The following RBFOX1 variants were observed in gnomAD, a reference collection of about 807,000 sequenced individuals.
RBFOX1 encodes RNA binding protein fox-1 homolog 1.
In RBFOX1, 8 loss-of-function variants were observed where a neutral mutation model predicts 57.7. The ratio of observed to expected loss-of-function variants is 0.14; its 90% CI spans 0.08 to 0.25. RBFOX1 has a LOEUF of 0.25. Ranked by LOEUF, RBFOX1 falls within the 10% of genes least tolerant of loss-of-function variation. The pLI is 1.00. For synonymous variants in RBFOX1, 326 were observed against 222.4 expected, an observed-to-expected ratio of 1.47 and a Z score of -4.15; for missense variants, 611 against 548.5, an observed-to-expected ratio of 1.11 and a Z score of -1.14.
At chr16:6,237,431 G>C (rs903961143) in intron 1 of RBFOX1, among the ~76,000 whole-genome samples, 1 of 152,120 alleles carries the variant, frequency 6.6e-6, no homozygotes, top group Admixed American at 6.6e-5. Flanking sequence ...ACGTGCCTCA[G>C]GTTACCTAAC....
intron 2 of RBFOX1, among the ~76,000 whole-genome samples, chr16:6,453,254 C>A (rs1240142770): frequency 6.6e-6 from 1 of 152,070 alleles, no homozygotes; most frequent in Non-Finnish European, 1.5e-5. Flanking sequence ...TAATGCCATC[C>A]CTCCTCTAGC....
chr16:7,602,532 G>T (rs1462703513), intron 9 of RBFOX1, among the ~76,000 whole-genome samples: 2 of 152,180 alleles, frequency 1.3e-5, no homozygotes, highest in Admixed American at 6.5e-5. Context: ...AAATTAAAAA[G>T]GGGATCATTT....
intron 3 of RBFOX1, among the ~76,000 whole-genome samples, chr16:5,772,948 G>C (rs2151682139): frequency 6.6e-6 from 1 of 152,304 alleles, no homozygotes; most frequent in Non-Finnish European, 1.5e-5. Context: ...GGAGCTGACT[G>C]TGCAAAGGTC....
chr16:6,512,298 A>C (rs1158480699), intron 2 of RBFOX1, among the ~76,000 whole-genome samples: 1 of 148,844 alleles, frequency 6.7e-6, no homozygotes, highest in African/African-American at 2.5e-5. Context: ...AAAAAAAAAA[A>C]AGGTAAGAGA....
At chr16:6,126,138 T>G (rs2096587925) in intron 1 of RBFOX1, among the ~76,000 whole-genome samples, 1 of 152,172 alleles carries the variant, frequency 6.6e-6, no homozygotes, top group African/African-American at 2.4e-5. Flanking sequence ...AGCCAGGAAA[T>G]CAAATCCGAG....
intron 4 of RBFOX1, among the ~76,000 whole-genome samples, chr16:7,109,180 A>C (rs983873987): frequency 2.6e-5 from 4 of 152,198 alleles, no homozygotes; most frequent in African/African-American, 9.6e-5. Context: ...CTAATCTTAA[A>C]AGTGGAAAAA....
intron 2 of RBFOX1, among the ~76,000 whole-genome samples, chr16:6,541,799 T>A (rs937913145): frequency 2.0e-5 from 3 of 152,126 alleles, no homozygotes; most frequent in African/African-American, 7.2e-5. Context: ...ACCCTAGACT[T>A]AGTGGAAGAG....
At chr16:6,871,820 A>C (rs1567652891) in intron 3 of RBFOX1, among the ~76,000 whole-genome samples, 1 of 152,000 alleles carries the variant, frequency 6.6e-6, no homozygotes, top group Non-Finnish European at 1.5e-5. Flanking sequence ...AGTGGCCCTC[A>C]AAGTGCAGTT....
intron 3 of RBFOX1, among the ~76,000 whole-genome samples, chr16:5,625,002 G>A (rs1359062064): frequency 1.3e-5 from 2 of 152,194 alleles, no homozygotes; most frequent in Non-Finnish European, 2.9e-5. Context: ...GGGCCAGAGA[G>A]CCTGGCACGA....
chr16:5,286,876 AG>A (rs2063407995), intron 1 of RBFOX1, among the ~76,000 whole-genome samples: 1 of 152,254 alleles, frequency 6.6e-6, no homozygotes, highest in Non-Finnish European at 1.5e-5. Flanking sequence ...AAACAGTCAG[AG>A]GGCCAGATTT....
intron 4 of RBFOX1, among the ~76,000 whole-genome samples, chr16:7,448,927 G>GTTTTTTTTTT (rs71147700): frequency 0.011 from 912 of 82,902 alleles, 89 homozygotes; most frequent in Middle Eastern, 0.026. Context: ...TCTTTCCCCT[G>GTTTTTTTTTT]TTTTTTTTTT....
intron 3 of RBFOX1, among the ~76,000 whole-genome samples, chr16:6,692,191 A>G (rs2060299866): frequency 6.6e-6 from 1 of 152,194 alleles, no homozygotes; most frequent in Non-Finnish European, 1.5e-5. Flanking sequence ...TATAAAGATT[A>G]CTTTGTTACA....
At chr16:7,112,376 G>GT (rs1329253278) in intron 4 of RBFOX1, among the ~76,000 whole-genome samples, 143 of 72,694 alleles carry the variant, frequency 2.0e-3, no homozygotes, top group African/African-American at 7.6e-3. Flanking sequence ...CTAATTTTTT[G>GT]TATTTTTTTT....
chr16:7,032,361 C>T lies in RBFOX1; in HGVS notation c.-15-19696C>T, dbSNP rs553138359. ...TTGGGAGGCTGAGGCACAAGAATTG[C>T]TTGAACCCAGGAGGTGGAGGTTGCA... is the stretch of plus-strand genomic sequence containing the variant. On this transcript the variant is annotated intron_variant, in intron 3 of 15. Transcript: ENST00000550418. Among the ~76,000 whole-genome samples, 3 of 152,142 alleles carry T rather than the reference C, an allele frequency of 2.0e-5. No individual in the cohort carries two copies. The South Asian group carries it at 6.2e-4, about 32-fold the overall frequency.
intron 5 of RBFOX1, among the ~76,000 whole-genome samples, chr16:7,545,869 G>C (rs2084323710): frequency 6.6e-6 from 1 of 152,106 alleles, no homozygotes; most frequent in South Asian, 2.1e-4. Context: ...CATCGGGGGA[G>C]CAGAACCAGG....
chr16:7,240,382 C>T lies in RBFOX1; in HGVS notation c.27+188284C>T, dbSNP rs369748175. Reference sequence around the variant, plus strand: ...TCTTCACTATGTTATACTTGTATATCACCATCTGTGATCATCTGAAGCCCT... The same window carrying T: ...TCTTCACTATGTTATACTTGTATATTACCATCTGTGATCATCTGAAGCCCT... On this transcript the variant is annotated intron_variant, in intron 4 of 15. Coordinates refer to ENST00000550418, the MANE Select transcript of RBFOX1 (RefSeq NM_018723.4). 2.6e-5 allele frequency among the ~76,000 whole-genome samples: 4 copies of T among 152,254 alleles called. No homozygotes were observed. The East Asian group carries it at 5.8e-4, about 22-fold the overall frequency.
At chr16:7,206,768 C>G (rs1355102383) in intron 4 of RBFOX1, among the ~76,000 whole-genome samples, 4 of 151,980 alleles carry the variant, frequency 2.6e-5, no homozygotes, top group African/African-American at 9.7e-5. Flanking sequence ...ATTCCCAGTC[C>G]TGGCCAAGGA....
rs1344931886 is a variant in RBFOX1, at chr16:6,019,363, C to G, written c.-756C>G. Reference sequence around the variant, plus strand: ...CCTCCTCCAGCCAGAGTCGGTGGGACTGGCTGCGCTGCCCTGAAGTGGTTC... The same window carrying G: ...CCTCCTCCAGCCAGAGTCGGTGGGAGTGGCTGCGCTGCCCTGAAGTGGTTC... On this transcript the variant is annotated 5_prime_UTR_variant, in exon 1 of 16. Coordinates refer to ENST00000550418, the MANE Select transcript of RBFOX1 (RefSeq NM_018723.4). The surrounding 1 kb of genome is among the most constrained non-coding windows in gnomAD (Gnocchi z 4.2). 2 of 985,376 alleles carry G rather than the reference C, an allele frequency of 2.0e-6. No individual in the cohort carries two copies. Among genetic ancestry groups the G allele is most frequent in the African/African-American group, 3.5e-5 (2 of 57,306 alleles). 61.0% of individuals were successfully genotyped at this position (985,376 alleles called of 1,614,324 possible).
At chr16:5,922,059 G>A (rs931886132) in intron 4 of RBFOX1, among the ~76,000 whole-genome samples, 1 of 152,122 alleles carries the variant, frequency 6.6e-6, no homozygotes, top group Non-Finnish European at 1.5e-5. Context: ...TACTTGGGAG[G>A]CTGAAGTAGG....
Sources: allele counts gnomAD v4.1 joint callset (sites outside exome capture counted in the v4.1 genomes callset), GRCh38; gene constraint gnomAD v4.1.1; non-coding constraint Gnocchi (gnomAD v3.1); transcripts MANE v1.5; gene names NCBI Gene and HGNC (gene_info 2026-07-23, HGNC 2026-07-21).